LAMA1: variants seen among roughly 807,000 people sequenced by gnomAD.
LAMA1 encodes laminin subunit alpha-1.
In LAMA1, 219 loss-of-function variants were observed where a neutral mutation model predicts 348.7. The observed-to-expected ratio is 0.63, with a 90% CI of 0.56 to 0.70. The LOEUF (loss-of-function observed/expected upper bound fraction) is 0.70, where lower values mean the gene tolerates loss of function less well. LAMA1 is among the 30% of genes least tolerant of loss of function. The pLI is 0.00. For synonymous variants in LAMA1, 1,487 were observed against 1,491.0 expected, an observed-to-expected ratio of 1.00 and a Z score of 0.06; for missense variants, 3,744 against 3,888.0, an observed-to-expected ratio of 0.96 and a Z score of 0.99.
chr18:7,049,344 G>A (rs2058054123), intron 4 of LAMA1, 87 bp from the exon 5 acceptor site: 2 of 1,249,946 alleles, frequency 1.6e-6, no homozygotes, highest in Admixed American at 1.7e-5. Context: ...CTTTGGTCCA[G>A]GCTGGAGTGC....
At position 6,999,992 on chromosome 18, in the gene LAMA1, C is replaced by A. The variant is rs774615256; in HGVS notation, c.4388G>T (p.Ser1463Ile). The A allele has an allele frequency of 8.7e-6, 14 of 1,612,054 alleles. No homozygotes were observed. Among genetic ancestry groups the A allele is most frequent in the Non-Finnish European group, 8.5e-7 (1 of 1,178,284 alleles). The change falls in exon 31 of 63, where the codon AGT becomes ATT. Residue 1463 changes from serine (S) to isoleucine (I), a missense_variant. Around this residue, in one of 3 missense-constraint regions of LAMA1, gnomAD observed 1,983 missense variants for 1,934.3 expected, o/e 1.03. Transcript: ENST00000389658. ...ACPHSPPASFSPTCVLEGDHD... is the reference protein window; with the variant it reads ...ACPHSPPASFIPTCVLEGDHD... ...GTCCCCTTCCAAGACACAAGTGGGACTAAAACTGGAGGAAAAGAATTTCTT... is the reference window on the plus strand; with the variant it reads ...GTCCCCTTCCAAGACACAAGTGGGAATAAAACTGGAGGAAAAGAATTTCTT...
At chr18:6,992,115 C>T (rs928926805) in intron 36 of LAMA1, among the ~76,000 whole-genome samples, 36 of 152,332 alleles carry the variant, frequency 2.4e-4, no homozygotes, top group Admixed American at 3.3e-4. Flanking sequence ...CACTTCACAT[C>T]GTGGGTTTCA....
intron 44 of LAMA1, among the ~76,000 whole-genome samples, chr18:6,976,811 T>C (rs1007070085): frequency 2.0e-5 from 3 of 152,066 alleles, no homozygotes; most frequent in African/African-American, 4.8e-5. Context: ...GATCTTATTA[T>C]GTTTCCTAAG....
chr18:7,061,267 G>C (rs1004999211), intron 3 of LAMA1, among the ~76,000 whole-genome samples: 2 of 152,194 alleles, frequency 1.3e-5, no homozygotes, highest in Non-Finnish European at 2.9e-5. Flanking sequence ...AATTGTTCCT[G>C]TTGCTCAAGT....
intron 20 of LAMA1, 133 bp downstream of exon 20, chr18:7,017,145 C>A (rs1403522710): frequency 1.3e-6 from 1 of 772,796 alleles, no homozygotes; most frequent in East Asian, 2.7e-5. Flanking sequence ...TGATAAATTC[C>A]CCAGTCTTGG....
At chr18:6,948,752 A>G (rs2057533441) in intron 59 of LAMA1, among the ~76,000 whole-genome samples, 196 bp from the exon 60 acceptor site, 1 of 152,234 alleles carries the variant, frequency 6.6e-6, no homozygotes, top group Non-Finnish European at 1.5e-5. Flanking sequence ...CTTTGCTAAT[A>G]ATGCAGTGGA....
chr18:6,965,963 A>G (rs2057631192), intron 49 of LAMA1, 184 bp downstream of exon 49: 3 of 658,272 alleles, frequency 4.6e-6, no homozygotes, highest in Non-Finnish European at 7.6e-6. Context: ...CAATGATAAT[A>G]AATAATTTAA....
At chr18:7,108,506 C>G (rs1322949254) in intron 1 of LAMA1, among the ~76,000 whole-genome samples, 1 of 151,428 alleles carries the variant, frequency 6.6e-6, no homozygotes, top group Non-Finnish European at 1.5e-5. Flanking sequence ...ACTAAAAATA[C>G]AAAAATTAGC....
chr18:6,994,523 C>T (rs1436519634), intron 34 of LAMA1, among the ~76,000 whole-genome samples: 1 of 152,084 alleles, frequency 6.6e-6, no homozygotes, highest in Non-Finnish European at 1.5e-5. Flanking sequence ...TACTTAAACC[C>T]AAACTTAAAC....
At chr18:7,002,122 A>G (rs2057810274) in intron 30 of LAMA1, 142 bp downstream of exon 30, 2 of 1,076,292 alleles carry the variant, frequency 1.9e-6, no homozygotes, top group Non-Finnish European at 2.7e-6. Flanking sequence ...TTGAGAATGA[A>G]CACCTTTTCT....
At chr18:7,092,611 G>T (rs117367328) in intron 1 of LAMA1, among the ~76,000 whole-genome samples, 1 of 142,616 alleles carries the variant, frequency 7.0e-6, no homozygotes, top group Non-Finnish European at 1.5e-5. Flanking sequence ...GCAACAGAGC[G>T]AGTCTCTGTC....
chr18:6,962,022 T>C lies in LAMA1; in HGVS notation c.7375A>G (p.Lys2459Glu). ...VTTKSFVGCI[K>E]NLEISRSTFD... ...GTTGATCTGGATATTTCCAGGTTCT[T>C]GATGCAGCCCACAAAGCTTTTGGTG... The change falls in exon 52 of 63, where the codon AAG becomes GAG. Residue 2459 changes from lysine (K) to glutamate (E), a missense_variant. By Grantham distance (56) the Lys-to-Glu change is moderately conservative. Coordinates refer to ENST00000389658, the MANE Select transcript of LAMA1 (RefSeq NM_005559.4). 1 of 1,614,242 alleles carries C rather than the reference T, an allele frequency of 6.2e-7. No homozygotes were observed. The highest frequency in any genetic ancestry group is 1.1e-5 in the South Asian group (1 of 91,086).
chr18:7,032,048 C>G lies in LAMA1; in HGVS notation c.2274+18G>C. On this transcript the variant is annotated intron_variant, in intron 16 of 62. Coordinates refer to ENST00000389658, the MANE Select transcript of LAMA1 (RefSeq NM_005559.4). Reference sequence around the variant, plus strand: ...AATTGAGGAGGAGAGGGCACCTGAACTACAGTGAGAGACTCACAATGCAAA... The same window carrying G: ...AATTGAGGAGGAGAGGGCACCTGAAGTACAGTGAGAGACTCACAATGCAAA... The G allele has an allele frequency of 6.2e-7, 1 of 1,605,850 alleles. No individual in the cohort carries two copies. Among genetic ancestry groups the G allele is most frequent in the Non-Finnish European group, 8.5e-7 (1 of 1,172,498 alleles).
At chr18:7,079,939 C>A in intron 3 of LAMA1, 36 bp downstream of exon 3, 1 of 1,436,170 alleles carries the variant, frequency 7.0e-7, no homozygotes, top group Admixed American at 1.7e-5. Context: ...GCTCAGCAGC[C>A]TGTAGACACT....
At chr18:7,080,244 T>A in intron 2 of LAMA1, 43 bp downstream of exon 2, 1 of 1,612,776 alleles carries the variant, frequency 6.2e-7, no homozygotes, top group Non-Finnish European at 8.5e-7. Flanking sequence ...TCACAAAGTG[T>A]ACATTCCCAT....
intron 1 of LAMA1, among the ~76,000 whole-genome samples, chr18:7,106,784 C>G (rs1417301919): frequency 6.6e-6 from 1 of 152,080 alleles, no homozygotes; most frequent in Non-Finnish European, 1.5e-5. Flanking sequence ...GAGGGAACTT[C>G]TGTGTCACTG....
chr18:7,017,194 C>CT, intron 20 of LAMA1, 84 bp downstream of exon 20: 2 of 1,040,198 alleles, frequency 1.9e-6, no homozygotes, highest in South Asian at 2.7e-5. Flanking sequence ...AACTAATACA[C>CT]TTGGGGACTT....
At chr18:6,942,994 G>T (rs568424139) in intron 62 of LAMA1, among the ~76,000 whole-genome samples, 186 bp downstream of exon 62, 1 of 151,942 alleles carries the variant, frequency 6.6e-6, no homozygotes, top group African/African-American at 2.4e-5. Flanking sequence ...TGATTAACTT[G>T]TGTATGTAGA....
chr18:6,977,084 T>A (rs1372919565), intron 44 of LAMA1, among the ~76,000 whole-genome samples: 1 of 152,168 alleles, frequency 6.6e-6, no homozygotes, highest in Admixed American at 6.5e-5. Flanking sequence ...GCTGCATTCA[T>A]CCTCTCGAAG....
Sources: gnomAD v4.1 joint callset for allele counts (sites outside exome capture counted in the v4.1 genomes callset) on GRCh38, gnomAD v4.1.1 for gene constraint, gnomAD v4.1.1 regional missense constraint, MANE v1.5 for transcripts, NCBI Gene and HGNC (gene_info 2026-07-23, HGNC 2026-07-21) for gene names.